Variants in RFC2 observed in about 807,000 individuals in gnomAD.
The protein encoded by RFC2 is A1 40 kDa subunit.
Under a neutral mutation model 44.8 loss-of-function variants are expected in RFC2, and 34 were observed. The ratio of observed to expected loss-of-function variants is 0.76; its 90% confidence interval spans 0.58 to 1.01. RFC2 has a LOEUF of 1.01. Ranked by LOEUF, RFC2 falls within the 50% of genes least tolerant of loss-of-function variation. The pLI, the probability that RFC2 is intolerant of heterozygous loss-of-function variation, is 0.00. For missense variants in RFC2, 400 were observed against 453.6 expected, an observed-to-expected ratio of 0.88 and a Z score of 1.07; for synonymous variants, 177 against 168.9, an observed-to-expected ratio of 1.05 and a Z score of -0.37.
chr7:74,233,595 G>GT (rs79258549), intron 10 of RFC2, among the ~76,000 whole-genome samples: 9,972 of 124,392 alleles, frequency 0.08, 470 homozygotes, highest in African/African-American at 0.093. Flanking sequence ...GTTGTTATTG[G>GT]TTTTTTTTTT....
At position 74,233,108 on chromosome 7, in the gene RFC2, G is replaced by C. The variant is rs3135710; in HGVS notation, c.955-892C>G. 6.8e-3 allele frequency among the ~76,000 whole-genome samples: 1,033 copies of C among 152,234 alleles called. 15 individuals carry two copies. The highest frequency in any genetic ancestry group is 0.021 in the African/African-American group (885 of 41,540). ...TGCCTGCAGTCCCAGCTACTCGGGA[G>C]CCTGAGGTGGGAGGATTGCTTGAGC... On this transcript the variant is annotated intron_variant, in intron 10 of 10. Coordinates refer to ENST00000055077, the MANE Select transcript of RFC2 (RefSeq NM_181471.3).
At chr7:74,233,285 G>A (rs3135707) in intron 10 of RFC2, among the ~76,000 whole-genome samples, 134 of 152,268 alleles carry the variant, frequency 8.8e-4, no homozygotes, top group African/African-American at 3.2e-3. Context: ...GGCCGAGGCG[G>A]GAGGATCACT....
At chr7:74,234,514 C>G (rs1802900430) in intron 10 of RFC2, among the ~76,000 whole-genome samples, 1 of 151,812 alleles carries the variant, frequency 6.6e-6, no homozygotes, top group African/African-American at 2.4e-5. Flanking sequence ...TGAAGAAAAT[C>G]AGAACTGTGT....
chr7:74,248,923 C>T (rs2116333403), intron 4 of RFC2, 89 bp downstream of exon 4: 1 of 894,136 alleles, frequency 1.1e-6, no homozygotes, highest in Admixed American at 1.8e-5. Context: ...CAAGGCTTCG[C>T]ATACAACCCA....
At chr7:74,248,964 C>G in intron 4 of RFC2, 48 bp downstream of exon 4, 1 of 1,323,626 alleles carries the variant, frequency 7.6e-7, no homozygotes, top group Non-Finnish European at 1.1e-6. Context: ...TGTAACAATT[C>G]TCAATGCAGA....
chr7:74,246,727 A>T lies in RFC2; in HGVS notation c.369T>A (p.Phe123Leu). 6.2e-7 allele frequency: 1 copy of T among 1,613,194 alleles called. No individual in the cohort carries two copies. Among genetic ancestry groups the T allele is most frequent in the South Asian group, 1.1e-5 (1 of 90,964 alleles). Residue 123 changes from phenylalanine (F) to leucine (L), a missense_variant, in exon 5 of 11, where the codon TTT becomes TTA. Coordinates refer to ENST00000055077, the MANE Select transcript of RFC2 (RefSeq NM_181471.3). ...TGGGAAGAGTGACTTTTTGTTGAGCAAACATTTTAATTTTATTCCTCACAA... is the reference window on the plus strand; with the variant it reads ...TGGGAAGAGTGACTTTTTGTTGAGCTAACATTTTAATTTTATTCCTCACAA... ...IDVVRNKIKM[F>L]AQQKVTLPKG...
At chr7:74,248,394 C>T (rs1803743139) in intron 4 of RFC2, among the ~76,000 whole-genome samples, 1 of 151,788 alleles carries the variant, frequency 6.6e-6, no homozygotes, top group Non-Finnish European at 1.5e-5. Context: ...ACTTAGCAGG[C>T]CAAGGCAGGA....
chr7:74,250,489 G>A (rs1269883818), intron 2 of RFC2, among the ~76,000 whole-genome samples: 2 of 151,972 alleles, frequency 1.3e-5, no homozygotes, highest in Non-Finnish European at 2.9e-5. Flanking sequence ...ACAAACCTGA[G>A]GCCCCACCCA....
At chr7:74,235,676 C>T (rs1584243814) in intron 9 of RFC2, 31 bp from the exon 10 acceptor site, 2 of 1,402,408 alleles carry the variant, frequency 1.4e-6, no homozygotes, top group South Asian at 1.2e-5. Context: ...AGGCTGCTTA[C>T]CACTTTAAAC....
At chr7:74,245,978 C>T (rs1194203390) in intron 5 of RFC2, among the ~76,000 whole-genome samples, 11 of 151,432 alleles carry the variant, frequency 7.3e-5, no homozygotes, top group East Asian at 2.0e-4. Flanking sequence ...GGGCGGATCA[C>T]GAGGTCAGGA....
chr7:74,239,787 G>A lies in RFC2; in HGVS notation c.693+151C>T, dbSNP rs3135681. The A allele has an allele frequency of 3.6e-4, 254 of 702,114 alleles. 1 individual carries two copies. The African/African-American group carries it at 3.8e-3, about 11-fold the overall frequency. The allele number at this position is 702,114 out of a possible 1,614,324, so 43.5% of individuals were successfully genotyped here. ...TTCCCTGCCTCTCTTCTTGGAGTCC[G>A]AGCTAGACAGCCCACTGTCCCAGGA... is the stretch of plus-strand genomic sequence containing the variant. On this transcript the variant is annotated intron_variant, in intron 7 of 10. Coordinates refer to ENST00000055077, the MANE Select transcript of RFC2 (RefSeq NM_181471.3).
At position 74,235,754 on chromosome 7, in the gene RFC2, G is replaced by A. The variant is rs992065226; in HGVS notation, c.841-109C>T. On this transcript the variant is annotated intron_variant, in intron 9 of 10. Transcript: ENST00000055077. ...GGCCCACCCTTCAGGTCACATGGGG[G>A]TACCTTAACTGATTTTCATGGCAGA... 18 of 723,774 alleles carry A rather than the reference G, an allele frequency of 2.5e-5. No individual in the cohort carries two copies. In the African/African-American group the frequency reaches 3.2e-4, roughly 13 times the overall value. The allele number at this position is 723,774 out of a possible 1,614,324, so 44.8% of individuals were successfully genotyped here.
intron 6 of RFC2, among the ~76,000 whole-genome samples, chr7:74,242,840 T>C (rs952505052): frequency 2.0e-5 from 3 of 151,736 alleles, no homozygotes; most frequent in Non-Finnish European, 2.9e-5. Flanking sequence ...CAAGAATTGC[T>C]TGAACCTTGG....
chr7:74,237,249 T>TC, intron 9 of RFC2, 113 bp downstream of exon 9: 1 of 667,962 alleles, frequency 1.5e-6, no homozygotes, highest in Non-Finnish European at 2.7e-6. Context: ...AAGTAAGATT[T>TC]CAAGAATGAA....
At chr7:74,239,156 C>T (rs991965759) in intron 7 of RFC2, among the ~76,000 whole-genome samples, 168 bp from the exon 8 acceptor site, 1 of 149,842 alleles carries the variant, frequency 6.7e-6, no homozygotes, top group Non-Finnish European at 1.5e-5. Context: ...GCCACCGCAC[C>T]GGGCCAAGGG....
chr7:74,247,110 G>A (rs1441271262), intron 4 of RFC2, among the ~76,000 whole-genome samples: 63 of 142,420 alleles, frequency 4.4e-4, no homozygotes, highest in African/African-American at 1.6e-3. Flanking sequence ...CCAGCCTGGC[G>A]ATAATTCGTC....
At chr7:74,246,989 T>TCTA (rs1803652013) in intron 4 of RFC2, among the ~76,000 whole-genome samples, 1 of 150,704 alleles carries the variant, frequency 6.6e-6, no homozygotes, top group African/African-American at 2.5e-5. Context: ...TTTTTTTTTT[T>TCTA]TCTTCAGACA....
intron 6 of RFC2, among the ~76,000 whole-genome samples, chr7:74,241,495 T>G (rs1242030162): frequency 2.0e-5 from 3 of 152,200 alleles, no homozygotes; most frequent in Non-Finnish European, 4.4e-5. Context: ...GTGCCATATT[T>G]GGTAATGCGC....
rs191791781 is a variant in RFC2, at chr7:74,234,128, G to C, written c.954+1404C>G. On this transcript the variant is annotated intron_variant, in intron 10 of 10. Transcript: ENST00000055077. ...ATGGATTACTTCTCAGTGATAACACGGACTGACTCATGGATAGAAGTACCA... is the reference window on the plus strand; with the variant it reads ...ATGGATTACTTCTCAGTGATAACACCGACTGACTCATGGATAGAAGTACCA... Among the ~76,000 whole-genome samples the C allele has an allele frequency of 2.9e-3, 443 of 152,210 alleles. 1 individual carries two copies. The highest frequency in any genetic ancestry group is 9.9e-3 in the African/African-American group (410 of 41,536).
Sources: gnomAD v4.1 joint callset for allele counts (sites outside exome capture counted in the v4.1 genomes callset) on GRCh38, gnomAD v4.1.1 for gene constraint, MANE v1.5 for transcripts, NCBI Gene and HGNC (gene_info 2026-07-23, HGNC 2026-07-21) for gene names.